The following PARP4 variants were observed in gnomAD, a reference collection of about 807,000 sequenced individuals.
PARP4 encodes protein mono-ADP-ribosyltransferase PARP4.
PARP4 carries 120 observed loss-of-function variants against 187.7 expected under a neutral mutation model. The observed-to-expected ratio is 0.64, with a 90% CI of 0.55 to 0.74. PARP4 has a LOEUF of 0.74. PARP4 is among the 30% of genes least tolerant of loss of function. PARP4 has a pLI of 0.00. For synonymous variants in PARP4, 654 were observed against 740.9 expected, an observed-to-expected ratio of 0.88 and a Z score of 1.90; for missense variants, 1,836 against 2,070.5, an observed-to-expected ratio of 0.89 and a Z score of 2.20.
intron 20 of PARP4, 41 bp downstream of exon 20, chr13:24,459,003 T>C (rs1277624080): frequency 6.1e-6 from 8 of 1,321,066 alleles, no homozygotes; most frequent in South Asian, 3.6e-5. Context: ...ATAAAAGTAG[T>C]GTTAAAATAA....
chr13:24,491,489 A>G (rs973230786), intron 9 of PARP4, among the ~76,000 whole-genome samples: 2 of 152,118 alleles, frequency 1.3e-5, no homozygotes, highest in Admixed American at 1.3e-4. Flanking sequence ...ATATTTTCTC[A>G]TTGACCAGTT....
At chr13:24,423,186 T>G (rs1345874341) in intron 33 of PARP4, among the ~76,000 whole-genome samples, 2 of 152,214 alleles carry the variant, frequency 1.3e-5, no homozygotes, top group African/African-American at 4.8e-5. Context: ...TCAAAGTGTT[T>G]TTTCTTTGAT....
At chr13:24,459,796 T>A (rs1232388472) in intron 18 of PARP4, among the ~76,000 whole-genome samples, 176 bp downstream of exon 18, 3 of 152,208 alleles carry the variant, frequency 2.0e-5, no homozygotes, top group Non-Finnish European at 4.4e-5. Flanking sequence ...ATCTGTAACT[T>A]TTATTCTTTT....
chr13:24,438,356 G>A (rs1203222872), intron 30 of PARP4, among the ~76,000 whole-genome samples: 3 of 152,154 alleles, frequency 2.0e-5, no homozygotes, highest in Non-Finnish European at 4.4e-5. Context: ...GAGCTCAGGC[G>A]GTAATGCTCC....
chr13:24,427,255 A>T (rs1255467657), intron 32 of PARP4, among the ~76,000 whole-genome samples: 1 of 152,244 alleles, frequency 6.6e-6, no homozygotes, highest in Non-Finnish European at 1.5e-5. Context: ...AGTGGTTAGT[A>T]CCTATAGGTA....
chr13:24,460,432 C>T (rs565920938), intron 17 of PARP4, among the ~76,000 whole-genome samples: 6 of 147,456 alleles, frequency 4.1e-5, no homozygotes, highest in African/African-American at 1.6e-4. Flanking sequence ...TGTGTGAGCT[C>T]TCTGCACACG....
chr13:24,438,849 G>A (rs746235526), intron 30 of PARP4, among the ~76,000 whole-genome samples: 3 of 152,196 alleles, frequency 2.0e-5, no homozygotes, highest in Admixed American at 1.3e-4. Flanking sequence ...GCTCTATTGC[G>A]GCTGGCGTGT....
At chr13:24,470,164 G>T (rs1566006645) in intron 15 of PARP4, 139 bp from the exon 16 acceptor site, 1 of 733,680 alleles carries the variant, frequency 1.4e-6, no homozygotes. Flanking sequence ...TCCCAACCCT[G>T]GCTTCACTTC....
intron 12 of PARP4, among the ~76,000 whole-genome samples, chr13:24,479,803 A>G (rs977515169): frequency 6.6e-6 from 1 of 152,212 alleles, no homozygotes; most frequent in Non-Finnish European, 1.5e-5. Flanking sequence ...GCACTGTGGA[A>G]GCTTTGTTCT....
At chr13:24,478,417 T>C in intron 12 of PARP4, 141 bp from the exon 13 acceptor site, 1 of 497,500 alleles carries the variant, frequency 2.0e-6, no homozygotes, top group South Asian at 4.4e-5. Flanking sequence ...TAGAACTTTA[T>C]TATGCACTTA....
chr13:24,468,729 T>C (rs1328751181), intron 17 of PARP4, among the ~76,000 whole-genome samples: 2 of 152,208 alleles, frequency 1.3e-5, no homozygotes, highest in African/African-American at 2.4e-5. Context: ...TATCAGAAGA[T>C]GAAAGTTATA....
In PARP4 at chr13:24,435,146, C is replaced by T. The variant is rs377036712; in HGVS notation, c.3995G>A (p.Arg1332His). The change falls in exon 31 of 34, where the codon CGC becomes CAC. Residue 1332 changes from arginine to histidine, a missense_variant. Transcript: ENST00000381989. ...AGACAAGGAAGCAGGACTGTGAGCG[C>T]GGGCAGTCGGGGGAAGATAGGAACC... is the stretch of plus-strand genomic sequence containing the variant. ...AVGSYLPPTA[R>H]AHSPASLSFA... The T allele has an allele frequency of 5.6e-6, 9 of 1,613,954 alleles. No individual in the cohort carries two copies. Among genetic ancestry groups the T allele is most frequent in the Middle Eastern group, 1.6e-4 (1 of 6,082 alleles).
chr13:24,449,797 AC>A lies in PARP4; in HGVS notation c.3034del (p.Val1012SerfsTer2), dbSNP rs770178137. The A allele has an allele frequency of 1.2e-6, 2 of 1,607,524 alleles. No homozygotes were observed. The highest frequency in any genetic ancestry group is 2.2e-5 in the South Asian group (2 of 90,882). ...ACCACACTGGGACAAAATCCTTAAG[AC>A]GTGACGATTTGCTGTAGAACTGATC... ...CGIGSTANRH[V>X]LRILSQCGAG... On this transcript the variant is annotated frameshift_variant, in exon 25 of 34. Coordinates refer to ENST00000381989, the MANE Select transcript of PARP4 (RefSeq NM_006437.4). LOFTEE classifies it high-confidence loss of function.
At chr13:24,489,218 C>CAG (rs926369930) in intron 10 of PARP4, among the ~76,000 whole-genome samples, 3 of 152,150 alleles carry the variant, frequency 2.0e-5, no homozygotes, top group Admixed American at 1.3e-4. Context: ...GTTGAGGAAT[C>CAG]ATCTAACGCA....
chr13:24,451,637 T>C (rs1871524959), intron 24 of PARP4, among the ~76,000 whole-genome samples: 2 of 132,816 alleles, frequency 1.5e-5, no homozygotes, highest in African/African-American at 6.4e-5. Context: ...CTCCATGCAC[T>C]GCCACCAGAT....
At chr13:24,506,401 C>G (rs747706742) in intron 1 of PARP4, among the ~76,000 whole-genome samples, 4 of 152,090 alleles carry the variant, frequency 2.6e-5, no homozygotes, top group African/African-American at 9.7e-5. Context: ...GGAAGAGGAC[C>G]CCAGCAGGTT....
Position 24,456,393 on chromosome 13 carries a change from G to T in PARP4, c.2510C>A (p.Ala837Asp). Residue 837 changes from alanine to aspartate, a missense_variant, in exon 21 of 34, where the codon GCT (alanine) becomes GAT (aspartate). Ala to Asp is a moderately radical substitution (Grantham distance 126, BLOSUM62 -2). Around this residue, in one of 8 missense-constraint regions of PARP4, gnomAD observed 1,147 missense variants for 1,214.2 expected, o/e 0.94. Transcript: ENST00000381989. ...AACCCACATTCTTGGGAGATAGGCA[G>T]CAGACAAACCGATGTGGAGAGAAAA... ...SGFSLHIGLS[A>D]AYLPRMWVEK... 1.2e-6 allele frequency: 2 copies of T among 1,612,398 alleles called. No homozygotes were observed. Among genetic ancestry groups the T allele is most frequent in the Non-Finnish European group, 1.7e-6 (2 of 1,178,950 alleles).
rs7329869 is a variant in PARP4 at position 24,487,879 on chromosome 13, T to C, written c.1215-1574A>G. Among the ~76,000 whole-genome samples the C allele has an allele frequency of 1.8e-3, 276 of 152,246 alleles. 1 individual carries two copies. The highest frequency in any genetic ancestry group is 6.8e-3 in the Middle Eastern group (2 of 294). On this transcript the variant is annotated intron_variant, in intron 10 of 33. Coordinates refer to ENST00000381989, the MANE Select transcript of PARP4 (RefSeq NM_006437.4). ...ATGTTCTACACCCAAATGTTAACAG[T>C]GGTTATATTATCTCAGGGTTGTCTT...
In PARP4 at chr13:24,492,811, GAAGA is replaced by G. The variant is rs749041910; in HGVS notation, c.880-221_880-218del. On this transcript the variant is annotated intron_variant, in intron 8 of 33. Coordinates refer to ENST00000381989, the MANE Select transcript of PARP4 (RefSeq NM_006437.4). ...TGCAAAACTAGGCTCAGTTTTACTA[GAAGA>G]AAGAACCAGAGTCTTATATTTCTAT... is the stretch of plus-strand genomic sequence containing the variant. 9.8e-5 allele frequency among the ~76,000 whole-genome samples: 15 copies of G among 152,298 alleles called. No individual in the cohort carries two copies. The East Asian group carries it at 2.1e-3, about 22-fold the overall frequency.
Sources: gnomAD v4.1 joint callset for allele counts (sites outside exome capture counted in the v4.1 genomes callset) on GRCh38, gnomAD v4.1.1 for gene constraint, gnomAD v4.1.1 regional missense constraint, MANE v1.5 for transcripts, NCBI Gene and HGNC (gene_info 2026-07-23, HGNC 2026-07-21) for gene names.